Variants in MTOR observed in about 807,000 individuals in gnomAD.
The protein encoded by MTOR is mechanistic target of rapamycin kinase, also known as serine/threonine-protein kinase mTOR.
A neutral mutation model predicts 319.8 loss-of-function variants in MTOR; 70 were observed. The ratio of observed to expected loss-of-function variants is 0.22; its 90% CI spans 0.18 to 0.27. The LOEUF (loss-of-function observed/expected upper bound fraction) is 0.27, where lower values mean the gene tolerates loss of function less well. MTOR is among the 10% of genes least tolerant of loss of function. MTOR has a pLI of 1.00. For synonymous variants in MTOR, 1,183 were observed against 1,211.4 expected, an observed-to-expected ratio of 0.98 and a Z score of 0.49; for missense variants, 1,890 against 3,274.4, an observed-to-expected ratio of 0.58 and a Z score of 10.32.
chr1:11,194,357 A>G, intron 28 of MTOR: 1 of 1,072,206 alleles, frequency 9.3e-7, no homozygotes, highest in Admixed American at 1.9e-5. Context: ...ATTCACACCT[A>G]TAAAAAGATG....
Position 11,243,089 on chromosome 1 carries a change from G to A in MTOR, c.1412+25C>T, listed in dbSNP as rs189347228. On this transcript the variant is annotated intron_variant, in intron 9 of 57. Coordinates refer to ENST00000361445, the MANE Select transcript of MTOR (RefSeq NM_004958.4). Reference sequence around the variant, plus strand: ...CCTCTCCAACCAAATGGAGTGGAAGGTGAAATCATAACAGAGGTGCTTACT... The same window carrying A: ...CCTCTCCAACCAAATGGAGTGGAAGATGAAATCATAACAGAGGTGCTTACT... 278 of 1,612,094 alleles carry A rather than the reference G, an allele frequency of 1.7e-4. No homozygotes were observed. The East Asian group carries it at 5.4e-3, about 31-fold the overall frequency.
chr1:11,246,797 C>T (rs1648890843), intron 8 of MTOR, among the ~76,000 whole-genome samples: 1 of 152,192 alleles, frequency 6.6e-6, no homozygotes, highest in Non-Finnish European at 1.5e-5. Context: ...AGAGGTAAGA[C>T]AAGGACATTA....
intron 6 of MTOR, among the ~76,000 whole-genome samples, chr1:11,248,641 G>A (rs1372213165): frequency 2.6e-5 from 4 of 151,920 alleles, no homozygotes; most frequent in African/African-American, 4.8e-5. Flanking sequence ...GTGAAACCCC[G>A]TCCCTATTAA....
intron 26 of MTOR, among the ~76,000 whole-genome samples, chr1:11,200,774 G>C (rs1645936413): frequency 6.6e-6 from 1 of 152,160 alleles, no homozygotes; most frequent in Non-Finnish European, 1.5e-5. Context: ...CCAGTACTTT[G>C]GGGGGCTGAG....
At position 11,210,903 on chromosome 1, in the gene MTOR, G is replaced by C; in HGVS notation, c.3565C>G (p.Gln1189Glu). The C allele has an allele frequency of 1.2e-6, 2 of 1,609,932 alleles. No individual in the cohort carries two copies. The highest frequency in any genetic ancestry group is 1.7e-6 in the Non-Finnish European group (2 of 1,176,730). ...TTATTCACCATTGGAATGAAAATTT[G>C]GTACTAAAACAGGAGGGGGAAGAGA... ...SLVFQLGKKYQIFIPMVNKVL... is the reference protein window; with the variant it reads ...SLVFQLGKKYEIFIPMVNKVL... The change falls in exon 24 of 58, where the codon CAA (glutamine) becomes GAA (glutamate). Residue 1189 changes from glutamine (Q) to glutamate (E), a missense_variant. Coordinates refer to ENST00000361445, the MANE Select transcript of MTOR (RefSeq NM_004958.4).
rs1340081152 is a variant in MTOR at position 11,253,968 on chromosome 1, T to C, written c.711A>G (p.Thr237=). The part of the protein sequence containing the change: ...EMQKPQWYRH[T]FEEAEKGFDE... ...CAAATCCCTTCTCTGCTTCTTCAAA[T>C]GTGTGCTATGTAGAGAGACAGGGTG... The change falls in exon 6 of 58, where the codon ACA becomes ACG. Residue 237 remains threonine (T), a synonymous_variant. Transcript: ENST00000361445. 1 of 1,613,996 alleles carries C rather than the reference T, an allele frequency of 6.2e-7. No homozygotes were observed. The highest frequency in any genetic ancestry group is 8.5e-7 in the Non-Finnish European group (1 of 1,180,030).
At chr1:11,168,800 A>G (rs975326997) in intron 28 of MTOR, among the ~76,000 whole-genome samples, 9 of 152,218 alleles carry the variant, frequency 5.9e-5, no homozygotes, top group African/African-American at 1.4e-4. Context: ...CAGAGTAGCC[A>G]TGGGGGCTTA....
At chr1:11,230,451 C>G (rs1318860101) in intron 18 of MTOR, among the ~76,000 whole-genome samples, 1 of 152,116 alleles carries the variant, frequency 6.6e-6, no homozygotes, top group African/African-American at 2.4e-5. Flanking sequence ...TGGGCCAGAC[C>G]ATTTCACGGA....
chr1:11,226,149 A>G (rs1223675611), intron 19 of MTOR: 1 of 152,316 alleles, frequency 6.6e-6, no homozygotes, highest in East Asian at 1.9e-4. Context: ...TTAAAAGAGA[A>G]AAACCATATG....
At chr1:11,195,184 T>C in intron 28 of MTOR, 1 of 786,408 alleles carries the variant, frequency 1.3e-6, no homozygotes, top group Non-Finnish European at 2.0e-6. Context: ...AAAAATCATA[T>C]GTACCAAGGA....
chr1:11,193,517 T>A, intron 28 of MTOR: 2 of 1,473,692 alleles, frequency 1.4e-6, no homozygotes, highest in Non-Finnish European at 1.8e-6. Flanking sequence ...TTGGGAAGCC[T>A]GCCCTCTTGC....
chr1:11,248,952 G>A (rs894792786), intron 6 of MTOR, among the ~76,000 whole-genome samples: 5 of 152,190 alleles, frequency 3.3e-5, no homozygotes, highest in Admixed American at 2.6e-4. Flanking sequence ...TGAGTCAGGC[G>A]CAAGGGCTCA....
Position 11,189,859 on chromosome 1 carries a change from C to T in MTOR, c.4253+9399G>A, listed in dbSNP as rs771394500. 4.9e-5 allele frequency: 79 copies of T among 1,614,054 alleles called. 1 individual carries two copies. The highest frequency in any genetic ancestry group is 4.7e-4 in the East Asian group (21 of 44,898). ...GAGCAACAGCAAGCGCATGGAGTCGCGGCTCACAGATGCTGAGAGCAAGTA... is the reference window on the plus strand; with the variant it reads ...GAGCAACAGCAAGCGCATGGAGTCGTGGCTCACAGATGCTGAGAGCAAGTA... On this transcript the variant is annotated intron_variant, in intron 28 of 57. Coordinates refer to ENST00000361445, the MANE Select transcript of MTOR (RefSeq NM_004958.4).
At position 11,243,227 on chromosome 1, in the gene MTOR, G is replaced by C. The variant is rs1648328470; in HGVS notation, c.1299C>G (p.Ala433=). 6.2e-7 allele frequency: 1 copy of C among 1,614,168 alleles called. No homozygotes were observed. The highest frequency in any genetic ancestry group is 1.1e-5 in the South Asian group (1 of 91,084). ...CVKKEKERTA[A]FQALGLLSVA... ...CAGAAAGTAGCCCCAGGGCTTGGAA[G>C]GCCGCTGTACGTTCCTTCTCCTTCT... The change falls in exon 9 of 58, where the codon GCC becomes GCG. Residue 433 remains alanine, a synonymous_variant. Coordinates refer to ENST00000361445, the MANE Select transcript of MTOR (RefSeq NM_004958.4).
chr1:11,240,855 A>T (rs1024745730), intron 10 of MTOR, among the ~76,000 whole-genome samples: 18 of 152,156 alleles, frequency 1.2e-4, no homozygotes, highest in Non-Finnish European at 2.4e-4. Context: ...ACAGATGAAG[A>T]GAACTTAGTT....
At chr1:11,190,237 G>A (rs1645476126) in intron 28 of MTOR, among the ~76,000 whole-genome samples, 1 of 152,174 alleles carries the variant, frequency 6.6e-6, no homozygotes, top group Non-Finnish European at 1.5e-5. Context: ...TTAGAAGCAG[G>A]GTTCAAGTCT....
In MTOR at chr1:11,231,099, A is replaced by G. The variant is rs551905448; in HGVS notation, c.2650-45T>C. On this transcript the variant is annotated intron_variant, in intron 17 of 57. Coordinates refer to ENST00000361445, the MANE Select transcript of MTOR (RefSeq NM_004958.4). ...GAAAAAAGAAAACATTCATCACAAC[A>G]TGATTACAACAAGTATCACGGATAC... 3.1e-6 allele frequency: 5 copies of G among 1,613,808 alleles called. No homozygotes were observed. The East Asian group carries it at 8.9e-5, about 29-fold the overall frequency.
intron 50 of MTOR, among the ~76,000 whole-genome samples, chr1:11,116,457 G>T (rs552062793): frequency 6.6e-6 from 1 of 152,200 alleles, no homozygotes; most frequent in South Asian, 2.1e-4. Flanking sequence ...TGGGACTACA[G>T]GTGTATGCCA....
At chr1:11,125,865 AC>A (rs1172966876) in intron 46 of MTOR, among the ~76,000 whole-genome samples, 1 of 151,758 alleles carries the variant, frequency 6.6e-6, no homozygotes, top group Admixed American at 6.6e-5. Flanking sequence ...ACATGGTGAA[AC>A]CCCAACTCTA....
Sources: allele counts gnomAD v4.1 joint callset (sites outside exome capture counted in the v4.1 genomes callset), GRCh38; gene constraint gnomAD v4.1.1; transcripts MANE v1.5; gene names NCBI Gene and HGNC (gene_info 2026-07-23, HGNC 2026-07-21).